The following ANKRD44 variants were observed in gnomAD, a reference collection of about 807,000 sequenced individuals.
ANKRD44 encodes serine/threonine-protein phosphatase 6 regulatory ankyrin repeat subunit B.
Under a neutral mutation model 116.0 loss-of-function variants are expected in ANKRD44, and 35 were observed. The observed-to-expected ratio is 0.30, with a 90% confidence interval of 0.23 to 0.40. ANKRD44 has a LOEUF of 0.40. Among genes scored for constraint, ANKRD44 ranks in the 10% least tolerant of loss-of-function variants. The pLI, the probability that ANKRD44 is intolerant of heterozygous loss-of-function variation, is 1.00. For missense variants in ANKRD44, 1,014 were observed against 1,242.6 expected (o/e 0.82, Z 2.77); for synonymous variants, 435 against 461.8 (o/e 0.94, Z 0.74).
intron 1 of ANKRD44, among the ~76,000 whole-genome samples, chr2:197,273,628 G>A (rs138373652): frequency 7.2e-5 from 11 of 152,222 alleles, no homozygotes; most frequent in African/African-American, 2.4e-4. Context: ...GCAGGGCCTA[G>A]GAGCCAGGCC....
At chr2:197,189,186 AT>A (rs1212436423) in intron 1 of ANKRD44, among the ~76,000 whole-genome samples, 1 of 152,224 alleles carries the variant, frequency 6.6e-6, no homozygotes, top group East Asian at 1.9e-4. Context: ...AGGAAACACT[AT>A]GTAAAAATGT....
In ANKRD44 at chr2:197,212,039, G is replaced by GCC. The variant is rs1559153751; in HGVS notation, c.28-24934_28-24933insGG. On this transcript the variant is annotated intron_variant, in intron 1 of 27. Coordinates refer to ENST00000282272, the MANE Select transcript of ANKRD44 (RefSeq NM_001195144.2). The surrounding 1 kb of genome is among the most constrained non-coding windows in gnomAD (Gnocchi z 4.8). ...TCACTGAGCCTCTCTCTCTCTCTCA[G>GCC]TCTCTCTCTCTCTCACACACACACA... Among the ~76,000 whole-genome samples the GCC allele has an allele frequency of 1.7e-5, 2 of 116,616 alleles. No individual in the cohort carries two copies. The highest frequency in any genetic ancestry group is 2.6e-5 in the African/African-American group (1 of 38,770). The allele number at this position is 116,616 out of a possible 152,430, so 76.5% of individuals were successfully genotyped here. A position where few individuals can be genotyped will look rare whatever the true frequency, so the allele number is the denominator to read the frequency against.
Position 196,988,023 on chromosome 2 carries a change from G to A in ANKRD44, c.*1568C>T. ...CAGTTGATGTAATGAACAGTTCATT[G>A]TGAGCATGATTTCATTTCGTTCCTT... On this transcript the variant is annotated 3_prime_UTR_variant, in exon 28 of 28. Coordinates refer to ENST00000282272, the MANE Select transcript of ANKRD44 (RefSeq NM_001195144.2). 1 of 985,402 alleles carries A rather than the reference G, an allele frequency of 1.0e-6. No homozygotes were observed. The highest frequency in any genetic ancestry group is 1.2e-6 in the Non-Finnish European group (1 of 829,906). 61.0% of individuals were successfully genotyped at this position (985,402 alleles called of 1,614,324 possible).
chr2:196,977,447 G>T (rs1268184317), intron 21 of ANKRD44, among the ~76,000 whole-genome samples: 1 of 152,208 alleles, frequency 6.6e-6, no homozygotes, highest in Non-Finnish European at 1.5e-5. Flanking sequence ...TGCAAATCCT[G>T]TATCTGATAA....
chr2:197,204,354 TTA>T (rs1370027088), intron 1 of ANKRD44, among the ~76,000 whole-genome samples: 2 of 152,158 alleles, frequency 1.3e-5, no homozygotes, highest in African/African-American at 2.4e-5. Flanking sequence ...TTCTATAATA[TTA>T]TGTTTATTAT....
intron 1 of ANKRD44, among the ~76,000 whole-genome samples, chr2:197,301,844 A>C (rs2083916913): frequency 6.6e-6 from 1 of 152,252 alleles, no homozygotes; most frequent in South Asian, 2.1e-4. Flanking sequence ...TATCTTAGCC[A>C]CATGTAAGTT....
At chr2:197,300,055 A>T (rs543837286) in intron 1 of ANKRD44, among the ~76,000 whole-genome samples, 1 of 152,224 alleles carries the variant, frequency 6.6e-6, no homozygotes, top group Non-Finnish European at 1.5e-5. Context: ...TAATGCTTCA[A>T]TACTTTTTGG....
In ANKRD44 at chr2:196,989,506, A is replaced by T. The variant is rs969140611; in HGVS notation, c.*85T>A. 3.1e-6 allele frequency: 4 copies of T among 1,289,130 alleles called. No homozygotes were observed. The Admixed American group carries it at 1.6e-4, about 50-fold the overall frequency. The allele number at this position is 1,289,130 out of a possible 1,614,324, so 79.9% of individuals were successfully genotyped here. A position where few individuals can be genotyped will look rare whatever the true frequency, so the allele number is the denominator to read the frequency against. ...GGTCCTCATGTGTAGCTGGCTGATGAACTACACACACACACACATATATAT... is the reference window on the plus strand; with the variant it reads ...GGTCCTCATGTGTAGCTGGCTGATGTACTACACACACACACACATATATAT... On this transcript the variant is annotated 3_prime_UTR_variant, in exon 28 of 28. Coordinates refer to ENST00000282272, the MANE Select transcript of ANKRD44 (RefSeq NM_001195144.2).
At chr2:197,238,022 T>C (rs1299465553) in intron 1 of ANKRD44, among the ~76,000 whole-genome samples, 1 of 152,254 alleles carries the variant, frequency 6.6e-6, no homozygotes, top group East Asian at 1.9e-4. Flanking sequence ...ATTCAAAAGC[T>C]ACTTGTGCAA....
At chr2:197,219,106 T>C (rs2081524212) in intron 1 of ANKRD44, among the ~76,000 whole-genome samples, 1 of 148,026 alleles carries the variant, frequency 6.8e-6, no homozygotes, top group Non-Finnish European at 1.5e-5. Flanking sequence ...AGTCTTGCTC[T>C]GTCGCCAGGC....
rs115757225 is a variant in ANKRD44, at chr2:197,254,754, A to G, written c.27+55824T>C. ...TGTGTGTATAGACACACATACATAC[A>G]CACACACACACATATATATATATTT... On this transcript the variant is annotated intron_variant, in intron 1 of 27. Transcript: ENST00000282272. Among the ~76,000 whole-genome samples the G allele has an allele frequency of 8.0e-4, 114 of 142,622 alleles. 1 individual carries two copies. The highest frequency in any genetic ancestry group is 2.9e-3 in the African/African-American group (108 of 37,446). The allele number at this position is 142,622 out of a possible 152,430, so 93.6% of individuals were successfully genotyped here.
intron 1 of ANKRD44, among the ~76,000 whole-genome samples, chr2:197,299,981 C>T (rs1340716603): frequency 1.3e-5 from 2 of 152,164 alleles, no homozygotes; most frequent in Non-Finnish European, 2.9e-5. Context: ...GTACCTCATG[C>T]AACATTCTAT....
rs1249835929 is a variant in ANKRD44 at position 197,211,304 on chromosome 2, T to C, written c.28-24198A>G. On this transcript the variant is annotated intron_variant, in intron 1 of 27. Coordinates refer to ENST00000282272, the MANE Select transcript of ANKRD44 (RefSeq NM_001195144.2). ...ACAACCCAGGGATGTTGTGGGGAAA[T>C]GGGGAGCAGGAAGAGATGGCAAGTA... Among the ~76,000 whole-genome samples the C allele has an allele frequency of 2.0e-5, 3 of 151,998 alleles. No homozygotes were observed. The East Asian group carries it at 5.8e-4, about 29-fold the overall frequency.
At chr2:197,156,771 A>C (rs1473853009) in intron 2 of ANKRD44, among the ~76,000 whole-genome samples, 6 of 152,258 alleles carry the variant, frequency 3.9e-5, no homozygotes, top group Non-Finnish European at 8.8e-5. Flanking sequence ...AATTAAAAGG[A>C]ATGAACTATG....
exon 22 of ANKRD44, chr2:196,967,301 CT>C: frequency 2.7e-6 from 1 of 367,892 alleles, no homozygotes; most frequent in Admixed American, 3.1e-5. Flanking sequence ...CGGTTACTCC[CT>C]TTCCCTTCCC....
At chr2:197,139,973 C>T (rs1191088483) in intron 3 of ANKRD44, among the ~76,000 whole-genome samples, 2 of 151,174 alleles carry the variant, frequency 1.3e-5, no homozygotes, top group Non-Finnish European at 3.0e-5. Context: ...TCTGCCTCCC[C>T]AGTTCAAGCG....
At chr2:197,018,891 GA>G (rs2076441978) in intron 17 of ANKRD44, among the ~76,000 whole-genome samples, 2 of 152,034 alleles carry the variant, frequency 1.3e-5, no homozygotes, top group African/African-American at 4.8e-5. Context: ...TCTTATAGAT[GA>G]AAAAACCAAA....
intron 16 of ANKRD44, among the ~76,000 whole-genome samples, chr2:197,056,949 G>C (rs996627198): frequency 2.0e-5 from 3 of 152,124 alleles, no homozygotes; most frequent in African/African-American, 7.2e-5. Flanking sequence ...AGGTTCTAGA[G>C]TGTGGACATT....
chr2:197,006,085 C>T (rs1362007687), intron 20 of ANKRD44, among the ~76,000 whole-genome samples, 175 bp from the exon 21 acceptor site: 2 of 151,930 alleles, frequency 1.3e-5, no homozygotes, highest in Non-Finnish European at 2.9e-5. Flanking sequence ...AAATTCATAA[C>T]AGAAAAATCT....
Sources: gnomAD v4.1 joint callset for allele counts (sites outside exome capture counted in the v4.1 genomes callset) on GRCh38, gnomAD v4.1.1 for gene constraint, Gnocchi (gnomAD v3.1) non-coding constraint, MANE v1.5 for transcripts, NCBI Gene and HGNC (gene_info 2026-07-23, HGNC 2026-07-21) for gene names.